Variants in PRSS23 observed in about 807,000 individuals in gnomAD.
PRSS23 encodes the protein protease, serine 23.
In PRSS23, 25 loss-of-function variants were observed where a neutral mutation model predicts 34.7. The ratio of observed to expected loss-of-function variants is 0.72; its 90% CI spans 0.53 to 1.01. The LOEUF is 1.01. Ranked by LOEUF, PRSS23 falls within the 50% of genes least tolerant of loss-of-function variation. The pLI, the probability that PRSS23 is intolerant of heterozygous loss-of-function variation, is 0.00. For missense variants in PRSS23, 445 were observed against 475.6 expected, an observed-to-expected ratio of 0.94 and a Z score of 0.60; for synonymous variants, 176 against 186.6, an observed-to-expected ratio of 0.94 and a Z score of 0.46.
intron 1 of PRSS23, among the ~76,000 whole-genome samples, chr11:86,801,918 C>G (rs1948044016): frequency 6.6e-6 from 1 of 152,192 alleles, no homozygotes; most frequent in African/African-American, 2.4e-5. Context: ...CTTGTCCTTT[C>G]CTGTGCCTGA....
chr11:86,915,977 C>T (rs910458463), intron 2 of PRSS23, among the ~76,000 whole-genome samples: 1 of 152,020 alleles, frequency 6.6e-6, no homozygotes, highest in Non-Finnish European at 1.5e-5. Context: ...ATTGCTTGAA[C>T]TCAGGAAGCA....
chr11:86,879,562 C>T (rs1234439807), intron 2 of PRSS23, among the ~76,000 whole-genome samples: 3 of 140,274 alleles, frequency 2.1e-5, no homozygotes, highest in African/African-American at 8.0e-5. Flanking sequence ...GGTCAGCCCC[C>T]CGCCCGGCCA....
intron 2 of PRSS23, among the ~76,000 whole-genome samples, chr11:86,881,511 T>C (rs1948772065): frequency 6.6e-6 from 1 of 152,162 alleles, no homozygotes; most frequent in African/African-American, 2.4e-5. Context: ...TAGTATTTTG[T>C]TGAAGATTTT....
chr11:86,810,267 T>C lies in PRSS23; in HGVS notation c.*1472T>C, dbSNP rs1948162625. 1 of 166,768 alleles carries C rather than the reference T, an allele frequency of 6.0e-6. No individual in the cohort carries two copies. Among genetic ancestry groups the C allele is most frequent in the South Asian group, 2.1e-4 (1 of 4,828 alleles). The allele number at this position is 166,768 out of a possible 1,614,324, so 10.3% of individuals were successfully genotyped here. On this transcript the variant is annotated 3_prime_UTR_variant, in exon 2 of 2. Coordinates refer to ENST00000280258, the MANE Select transcript of PRSS23 (RefSeq NM_007173.6). ...ACTACAAGCACGTGTTTGCTGTGCTTGCACCCCAGGTAAACCTGCATTGTA... is the reference window on the plus strand; with the variant it reads ...ACTACAAGCACGTGTTTGCTGTGCTCGCACCCCAGGTAAACCTGCATTGTA...
At chr11:86,827,502 G>C (rs1948312015) in intron 2 of PRSS23, among the ~76,000 whole-genome samples, 2 of 152,092 alleles carry the variant, frequency 1.3e-5, no homozygotes, top group Non-Finnish European at 2.9e-5. Context: ...CTTCAATTCT[G>C]CTCTGATTTT....
intron 2 of PRSS23, among the ~76,000 whole-genome samples, chr11:86,908,396 G>A (rs984575898): frequency 6.6e-6 from 1 of 152,168 alleles, no homozygotes; most frequent in Non-Finnish European, 1.5e-5. Context: ...TGGAAAACAA[G>A]TCCAAAGTCA....
downstream of PRSS23, among the ~76,000 whole-genome samples, chr11:86,814,488 G>T (rs959996135): frequency 1.3e-5 from 2 of 152,174 alleles, no homozygotes; most frequent in East Asian, 3.9e-4. Flanking sequence ...TTGAGGAAGT[G>T]AGAGACAAAG....
chr11:86,835,934 G>T (rs551637517), intron 2 of PRSS23, among the ~76,000 whole-genome samples: 4 of 152,160 alleles, frequency 2.6e-5, no homozygotes, highest in African/African-American at 9.7e-5. Context: ...GCTAATACCT[G>T]GCCAAATAGA....
At chr11:86,805,763 A>G (rs968798367) in intron 1 of PRSS23, among the ~76,000 whole-genome samples, 2 of 152,270 alleles carry the variant, frequency 1.3e-5, no homozygotes, top group African/African-American at 4.8e-5. Flanking sequence ...ATGCTCAGCT[A>G]TACTACATCA....
At chr11:86,943,825 C>G (rs550536981) in intron 2 of PRSS23, among the ~76,000 whole-genome samples, 44 of 151,816 alleles carry the variant, frequency 2.9e-4, no homozygotes, top group Admixed American at 2.7e-3. Context: ...CTCATTGCAA[C>G]CTCTGCCTCC....
intron 2 of PRSS23, among the ~76,000 whole-genome samples, chr11:86,852,771 G>C (rs1948539558): frequency 6.8e-6 from 1 of 147,462 alleles, no homozygotes; most frequent in African/African-American, 2.7e-5. Context: ...CCCACCCCTG[G>C]GGGCCACCAT....
intron 2 of PRSS23, among the ~76,000 whole-genome samples, chr11:86,860,333 G>A (rs12283538): frequency 0.36 from 54,854 of 151,722 alleles, 10,056 homozygotes; most frequent in East Asian, 0.46. Flanking sequence ...GGTAGGGAGA[G>A]GGTGATATTA....
intron 1 of PRSS23, among the ~76,000 whole-genome samples, chr11:86,822,178 TAAAACTG>T (rs1948257146): frequency 6.6e-6 from 1 of 152,144 alleles, no homozygotes; most frequent in South Asian, 2.1e-4. Context: ...GCATAGTAGG[TAAAACTG>T]AAAAACGTGT....
At chr11:86,901,883 C>T (rs1019580666) in intron 2 of PRSS23, among the ~76,000 whole-genome samples, 9 of 152,102 alleles carry the variant, frequency 5.9e-5, no homozygotes, top group Admixed American at 1.3e-4. Flanking sequence ...ATCATAATGG[C>T]ATGTCAAGCC....
intron 2 of PRSS23, among the ~76,000 whole-genome samples, chr11:86,873,226 A>G (rs1247524323): frequency 1.2e-4 from 10 of 82,996 alleles, no homozygotes; most frequent in South Asian, 8.0e-4. Context: ...AGATATATGT[A>G]TATATATATA....
At chr11:86,941,805 A>G (rs74899135) in intron 2 of PRSS23, among the ~76,000 whole-genome samples, 10,623 of 152,252 alleles carry the variant, frequency 0.07, 449 homozygotes, top group East Asian at 0.19. Flanking sequence ...CTTCCCAGAA[A>G]GTCCTGCCAA....
chr11:86,929,190 G>C (rs998725611), intron 2 of PRSS23, among the ~76,000 whole-genome samples: 1 of 151,718 alleles, frequency 6.6e-6, no homozygotes, highest in Non-Finnish European at 1.5e-5. Flanking sequence ...GCATGGTGGC[G>C]CAAGTTTGTA....
intron 1 of PRSS23, among the ~76,000 whole-genome samples, chr11:86,819,643 A>C (rs1209451731): frequency 2.0e-5 from 3 of 152,200 alleles, no homozygotes; most frequent in Non-Finnish European, 4.4e-5. Context: ...AGGTTTGGAA[A>C]GGCATACACT....
At chr11:86,821,626 C>T (rs759288710) in intron 1 of PRSS23, 29 of 1,598,418 alleles carry the variant, frequency 1.8e-5, no homozygotes, top group Non-Finnish European at 2.2e-5. Flanking sequence ...ACTTCCATAA[C>T]TTTCATCTTG....
Sources: allele counts gnomAD v4.1 joint callset (sites outside exome capture counted in the v4.1 genomes callset), GRCh38; gene constraint gnomAD v4.1.1; transcripts MANE v1.5; gene names NCBI Gene and HGNC (gene_info 2026-07-23, HGNC 2026-07-21).